The following PHACTR1 variants were observed in gnomAD, a reference collection of about 807,000 sequenced individuals.
PHACTR1 encodes phosphatase and actin regulator 1.
In PHACTR1, 16 loss-of-function variants were observed where a neutral mutation model predicts 69.2. The observed-to-expected ratio is 0.23, with a 90% confidence interval of 0.16 to 0.35. PHACTR1 has a LOEUF of 0.35. Ranked by LOEUF, PHACTR1 falls within the 10% of genes least tolerant of loss-of-function variation. The pLI, the probability that PHACTR1 is intolerant of heterozygous loss-of-function variation, is 1.00. For synonymous variants in PHACTR1, 312 were observed against 284.5 expected, an observed-to-expected ratio of 1.10 and a Z score of -0.97; for missense variants, 510 against 734.7, an observed-to-expected ratio of 0.69 and a Z score of 3.54.
rs113585854 is a variant in PHACTR1, at chr6:13,010,534, T to C, written c.251-42831T>C. ...TAGGCTGATTTCTAGAGTGTGCATCTGAAACCTCAATATGCATCCAAATCA... is the reference window on the plus strand; with the variant it reads ...TAGGCTGATTTCTAGAGTGTGCATCCGAAACCTCAATATGCATCCAAATCA... On this transcript the variant is annotated intron_variant, in intron 4 of 14. Transcript: ENST00000332995. Among the ~76,000 whole-genome samples the C allele has an allele frequency of 6.9e-3, 1,047 of 152,338 alleles. 12 individuals carry two copies. The highest frequency in any genetic ancestry group is 0.024 in the African/African-American group (983 of 41,578).
chr6:12,894,161 T>C (rs974155314), intron 4 of PHACTR1, among the ~76,000 whole-genome samples: 1 of 152,234 alleles, frequency 6.6e-6, no homozygotes, highest in African/African-American at 2.4e-5. Flanking sequence ...TCAAGTACTT[T>C]TTGAGACTCT....
At chr6:12,773,727 C>T (rs1040010368) in intron 4 of PHACTR1, among the ~76,000 whole-genome samples, 8 of 152,184 alleles carry the variant, frequency 5.3e-5, no homozygotes, top group East Asian at 1.9e-4. Flanking sequence ...ATGGATGTTT[C>T]ACTTTGCCAG....
intron 8 of PHACTR1, among the ~76,000 whole-genome samples, chr6:13,218,853 AAAGAGAAGAGAAGAGAAGAGAAGAG>A (rs536881718): frequency 0.045 from 6,404 of 142,490 alleles, 202 homozygotes; most frequent in Middle Eastern, 0.056. Context: ...GAGGAGGAGG[AAAGAGAAGAGAAGAGAAGAGAAGAG>A]AAGAGAAGAG....
At chr6:13,162,190 C>G (rs1759128164) in intron 6 of PHACTR1, among the ~76,000 whole-genome samples, 1 of 152,148 alleles carries the variant, frequency 6.6e-6, no homozygotes, top group Non-Finnish European at 1.5e-5. Flanking sequence ...ACCTCCGCCT[C>G]CTGGGTTCCA....
intron 8 of PHACTR1, among the ~76,000 whole-genome samples, chr6:13,218,016 TC>T (rs1767944797): frequency 6.6e-6 from 1 of 152,252 alleles, no homozygotes; most frequent in Admixed American, 6.5e-5. Flanking sequence ...AATTTGGCTT[TC>T]AGTGTCATAT....
At chr6:12,858,371 AT>A (rs1388323871) in intron 4 of PHACTR1, among the ~76,000 whole-genome samples, 1 of 152,246 alleles carries the variant, frequency 6.6e-6, no homozygotes, top group African/African-American at 2.4e-5. Flanking sequence ...AGGTAAATAT[AT>A]AACTGTCCAG....
At chr6:12,860,079 T>G (rs1240323686) in intron 4 of PHACTR1, among the ~76,000 whole-genome samples, 1 of 152,080 alleles carries the variant, frequency 6.6e-6, no homozygotes, top group Non-Finnish European at 1.5e-5. Flanking sequence ...GGTATACATG[T>G]GCCATCGTGG....
chr6:12,764,174 A>C (rs1768349630), intron 4 of PHACTR1, among the ~76,000 whole-genome samples: 1 of 152,238 alleles, frequency 6.6e-6, no homozygotes, highest in Non-Finnish European at 1.5e-5. Context: ...CATCATTCAG[A>C]ACTAGAAGGA....
At chr6:12,970,496 G>A (rs1156819059) in intron 4 of PHACTR1, among the ~76,000 whole-genome samples, 3 of 152,198 alleles carry the variant, frequency 2.0e-5, no homozygotes, top group Admixed American at 1.3e-4. Context: ...TTGGCCCGGC[G>A]TAGTGGCTCA....
At chr6:12,963,311 G>C (rs947975230) in intron 4 of PHACTR1, among the ~76,000 whole-genome samples, 1 of 152,180 alleles carries the variant, frequency 6.6e-6, no homozygotes, top group African/African-American at 2.4e-5. Context: ...CCCCTCCACA[G>C]CTGCACCGTT....
intron 10 of PHACTR1, chr6:13,272,479 C>T (rs917391185): frequency 1.2e-5 from 4 of 320,276 alleles, no homozygotes; most frequent in Middle Eastern, 9.8e-4. Flanking sequence ...GCTTTAGCCT[C>T]AAGGGAGGGA....
At chr6:12,995,465 G>A (rs1020198651) in intron 4 of PHACTR1, among the ~76,000 whole-genome samples, 23 of 151,894 alleles carry the variant, frequency 1.5e-4, no homozygotes, top group African/African-American at 3.4e-4. Flanking sequence ...AATATTAACC[G>A]AAAGTAAACC....
At chr6:13,024,080 G>GAA (rs59385709) in intron 4 of PHACTR1, among the ~76,000 whole-genome samples, 80 of 131,208 alleles carry the variant, frequency 6.1e-4, no homozygotes, top group African/African-American at 2.0e-3. Context: ...CTGTCTCAAA[G>GAA]AAAAAAAAAA....
chr6:12,873,583 C>T (rs184613811), intron 4 of PHACTR1, among the ~76,000 whole-genome samples: 23 of 152,136 alleles, frequency 1.5e-4, no homozygotes, highest in African/African-American at 5.5e-4. Flanking sequence ...TGTTCATGTA[C>T]AGGGATTTCA....
rs143708102 is a variant in PHACTR1, at chr6:13,119,466, G to C, written c.416-40738G>C. ...ATGAATTTTCTCCACATTAGAGGAAGGTGAGGCTCTGTGATGTATGGGGAG... is the reference window on the plus strand; with the variant it reads ...ATGAATTTTCTCCACATTAGAGGAACGTGAGGCTCTGTGATGTATGGGGAG... On this transcript the variant is annotated intron_variant, in intron 5 of 14. Coordinates refer to ENST00000332995, the MANE Select transcript of PHACTR1 (RefSeq NM_030948.6). Among the ~76,000 whole-genome samples, 485 of 152,332 alleles carry C rather than the reference G, an allele frequency of 3.2e-3. 6 individuals carry two copies. Among genetic ancestry groups the C allele is most frequent in the African/African-American group, 0.011 (464 of 41,586 alleles).
At chr6:12,979,108 C>T (rs1213173064) in intron 4 of PHACTR1, among the ~76,000 whole-genome samples, 1 of 152,222 alleles carries the variant, frequency 6.6e-6, no homozygotes, top group Non-Finnish European at 1.5e-5. Context: ...TCCACTCCCA[C>T]CTCCAACCCA....
chr6:13,090,671 C>T (rs1813112514), intron 5 of PHACTR1, among the ~76,000 whole-genome samples: 1 of 152,102 alleles, frequency 6.6e-6, no homozygotes, highest in Non-Finnish European at 1.5e-5. Flanking sequence ...GAGTAACATC[C>T]CCAAGATGAC....
chr6:13,070,818 A>T (rs1342776302), intron 5 of PHACTR1, among the ~76,000 whole-genome samples: 1 of 152,042 alleles, frequency 6.6e-6, no homozygotes, highest in Non-Finnish European at 1.5e-5. Flanking sequence ...CTTAAAAAAA[A>T]CAAAACAAAA....
rs146501126 is a variant in PHACTR1 at position 12,788,007 on chromosome 6, A to T, written c.250+38217A>T. On this transcript the variant is annotated intron_variant, in intron 4 of 14. Transcript: ENST00000332995. ...CCCTGTCTCTAGTAAAAAATAGAAA[A>T]ATCAGCCAGGCGTTGGAGCACTCGC... is the stretch of plus-strand genomic sequence containing the variant. Among the ~76,000 whole-genome samples, 756 of 152,054 alleles carry T rather than the reference A, an allele frequency of 5.0e-3. 6 individuals carry two copies. Among genetic ancestry groups the T allele is most frequent in the African/African-American group, 0.016 (674 of 41,470 alleles).
Sources: allele counts gnomAD v4.1 joint callset (sites outside exome capture counted in the v4.1 genomes callset), GRCh38; gene constraint gnomAD v4.1.1; transcripts MANE v1.5; gene names NCBI Gene and HGNC (gene_info 2026-07-23, HGNC 2026-07-21).